Variants in FGF13 observed in about 807,000 individuals in gnomAD.
FGF13 encodes fibroblast growth factor 13, also known as fibroblast growth factor homologous factor 2.
Under a neutral mutation model 19.5 loss-of-function variants are expected in FGF13, and 2 were observed. The observed-to-expected ratio is 0.10, with a 90% CI of 0.04 to 0.32. FGF13 has a LOEUF of 0.32. Ranked by LOEUF, FGF13 falls within the 10% of genes least tolerant of loss-of-function variation. The pLI, the probability that FGF13 is intolerant of heterozygous loss-of-function variation, is 1.00. For missense variants in FGF13, 113 were observed against 192.7 expected (o/e 0.59, Z 2.45); for synonymous variants, 72 against 76.9 (o/e 0.94, Z 0.33).
At chrX:138,808,929 T>G (rs763376484) in intron 3 of FGF13, among the ~76,000 whole-genome samples, 176 of 110,911 alleles carry the variant, frequency 1.6e-3, no homozygotes, top group African/African-American at 5.6e-3. Context: ...ACAATAACAG[T>G]CTCTGAAATT....
intron 1 of FGF13, among the ~76,000 whole-genome samples, chrX:138,978,105 C>G (rs1359295222): frequency 9.0e-6 from 1 of 110,722 alleles, no homozygotes; most frequent in Non-Finnish European, 1.9e-5. Flanking sequence ...CAGTGGACAG[C>G]ATTGTTCTAA....
intron 1 of FGF13, among the ~76,000 whole-genome samples, chrX:139,007,768 G>A (rs1457055916): frequency 8.9e-6 from 1 of 112,338 alleles, no homozygotes; most frequent in Non-Finnish European, 1.9e-5. Flanking sequence ...AAGAACAACT[G>A]CAGGAAAATA....
chrX:139,184,059 T>A (rs1046338006), intron 1 of FGF13, among the ~76,000 whole-genome samples: 1 of 112,459 alleles, frequency 8.9e-6, no homozygotes, highest in Admixed American at 9.4e-5. Flanking sequence ...CAGTTAATAC[T>A]TTCTTTTGCA....
chrX:139,070,106 G>A (rs1270953513), intron 1 of FGF13, among the ~76,000 whole-genome samples: 2 of 111,799 alleles, frequency 1.8e-5, no homozygotes, highest in Non-Finnish European at 1.9e-5. Context: ...AAAAGCAATG[G>A]CAACAAAAGC....
At chrX:138,891,543 C>T (rs776530742) in intron 1 of FGF13, among the ~76,000 whole-genome samples, 5 of 111,560 alleles carry the variant, frequency 4.5e-5, no homozygotes, top group Admixed American at 3.8e-4. Context: ...AACACCTTCA[C>T]GTTAGAGGTT....
intron 1 of FGF13, among the ~76,000 whole-genome samples, chrX:139,067,696 T>C (rs1023186127): frequency 8.9e-6 from 1 of 111,976 alleles, no homozygotes. Flanking sequence ...ATCGTGAAAA[T>C]GGCCATATAT....
chrX:138,906,711 A>G (rs1237697298), intron 1 of FGF13, among the ~76,000 whole-genome samples: 1 of 111,339 alleles, frequency 9.0e-6, no homozygotes, highest in Non-Finnish European at 1.9e-5. Flanking sequence ...TGACTAGGCC[A>G]CCTATTTTTT....
At chrX:138,650,428 C>T (rs2089356838) in intron 3 of FGF13, among the ~76,000 whole-genome samples, 2 of 111,819 alleles carry the variant, frequency 1.8e-5, no homozygotes, top group African/African-American at 3.2e-5. Flanking sequence ...CAGAATCACA[C>T]TTCAGAATGA....
intron 1 of FGF13, among the ~76,000 whole-genome samples, chrX:139,086,106 G>A (rs369209601): frequency 1.2e-4 from 13 of 111,606 alleles, no homozygotes; most frequent in African/African-American, 3.9e-4. Context: ...AAACTTTCAG[G>A]GTTTTGTTTT....
intron 3 of FGF13, among the ~76,000 whole-genome samples, chrX:138,789,812 G>A (rs1029599999): frequency 9.3e-6 from 1 of 108,040 alleles, no homozygotes; most frequent in Non-Finnish European, 1.9e-5. Flanking sequence ...GTGGGAGGCC[G>A]AGGCGGGTGG....
rs932856131 is a variant in FGF13, at chrX:138,830,665, T to C, written c.217+26847A>G. Among the ~76,000 whole-genome samples, 3 of 96,039 alleles carry C rather than the reference T, an allele frequency of 3.1e-5. No individual in the cohort carries two copies. The Admixed American group carries it at 3.6e-4, about 12-fold the overall frequency. The allele number at this position is 96,039 out of a possible 115,157, so 83.4% of individuals were successfully genotyped here. On this transcript the variant is annotated intron_variant, in intron 3 of 6. Transcript: ENST00000436198. ...GTTTGGAAAATTTGCAACCTGGCCA[T>C]GTAAAGAGTGAAAAGGGGTGTTTGT...
intron 3 of FGF13, among the ~76,000 whole-genome samples, chrX:138,636,245 C>T (rs772854486): frequency 9.0e-6 from 1 of 111,318 alleles, no homozygotes; most frequent in Non-Finnish European, 1.9e-5. Context: ...AAGAAAAATT[C>T]CCCCCTCACC....
chrX:139,154,446 G>A (rs1383307717), intron 1 of FGF13, among the ~76,000 whole-genome samples: 1 of 111,848 alleles, frequency 8.9e-6, no homozygotes, highest in African/African-American at 3.2e-5. Context: ...TCTAAAGAAA[G>A]GGCTGGATAA....
chrX:138,729,379 G>T (rs983867157), intron 1 of FGF13, among the ~76,000 whole-genome samples: 2 of 111,226 alleles, frequency 1.8e-5, no homozygotes, highest in Admixed American at 1.9e-4. Flanking sequence ...TGTCAGAGAT[G>T]AATTCTTTTT....
intron 1 of FGF13, among the ~76,000 whole-genome samples, chrX:139,033,027 CAAAAAAAAAAAAAA>C (rs758766077): frequency 1.5e-4 from 4 of 27,271 alleles, no homozygotes; most frequent in Non-Finnish European, 1.9e-4. Context: ...TCTGATTATC[CAAAAAAAAAAAAAA>C]AAAAAAAAAA....
At chrX:138,633,716 T>C (rs1039003368) in intron 4 of FGF13, among the ~76,000 whole-genome samples, 3 of 111,461 alleles carry the variant, frequency 2.7e-5, no homozygotes, top group Non-Finnish European at 5.6e-5. Flanking sequence ...TTGCATGCAT[T>C]ATCCCATTTA....
At chrX:138,704,467 T>C (rs2089976440) in intron 2 of FGF13, among the ~76,000 whole-genome samples, 1 of 112,781 alleles carries the variant, frequency 8.9e-6, no homozygotes. Context: ...TGTAAGTTTA[T>C]TGAGGATAAT....
intron 3 of FGF13, among the ~76,000 whole-genome samples, chrX:138,776,518 A>C (rs1202403013): frequency 8.9e-6 from 1 of 112,241 alleles, no homozygotes; most frequent in African/African-American, 3.2e-5. Flanking sequence ...CAGGGATTTA[A>C]GTGATATGCC....
chrX:139,058,566 A>G (rs1268741723), intron 1 of FGF13, among the ~76,000 whole-genome samples: 1 of 111,519 alleles, frequency 9.0e-6, no homozygotes. Context: ...TTTCTATATC[A>G]GTTGTTAGAA....
Sources: gnomAD v4.1 joint callset for allele counts (sites outside exome capture counted in the v4.1 genomes callset) on GRCh38, gnomAD v4.1.1 for gene constraint, MANE v1.5 for transcripts, NCBI Gene and HGNC (gene_info 2026-07-23, HGNC 2026-07-21) for gene names.